The following GALNT13 variants were observed in gnomAD, a reference collection of about 807,000 sequenced individuals.
GALNT13 encodes the protein polypeptide N-acetylgalactosaminyltransferase 13.
Under a neutral mutation model 64.2 loss-of-function variants are expected in GALNT13, and 28 were observed. The observed-to-expected ratio is 0.44, with a 90% CI of 0.32 to 0.60. The LOEUF is 0.60. Among genes scored for constraint, GALNT13 ranks in the 20% least tolerant of loss-of-function variants. The pLI is 0.05. For missense variants in GALNT13, 577 were observed against 669.8 expected, an observed-to-expected ratio of 0.86 and a Z score of 1.53; for synonymous variants, 214 against 224.6, an observed-to-expected ratio of 0.95 and a Z score of 0.42.
chr2:153,186,324 C>A, the GALNT13 span, among the ~76,000 whole-genome samples: 1 of 152,036 alleles, frequency 6.6e-6, no homozygotes, highest in East Asian at 1.9e-4. Context: ...TCCTCCACCT[C>A]TTTATTTCAA....
intron 12 of GALNT13, among the ~76,000 whole-genome samples, chr2:154,438,968 TTATCTCCA>T: frequency 6.6e-6 from 1 of 152,264 alleles, no homozygotes; most frequent in Middle Eastern, 3.4e-3. Context: ...TGACAACTTG[TTATCTCCA>T]TGTACATGCC....
At chr2:153,949,755 C>T (rs562610517) in intron 3 of GALNT13, among the ~76,000 whole-genome samples, 1 of 151,838 alleles carries the variant, frequency 6.6e-6, no homozygotes, top group Non-Finnish European at 1.5e-5. Flanking sequence ...CAGGGGGAGA[C>T]AAATTGTCCA....
At chr2:153,425,383 T>C in the GALNT13 span, among the ~76,000 whole-genome samples, 3 of 151,758 alleles carry the variant, frequency 2.0e-5, no homozygotes, top group Admixed American at 1.3e-4. Flanking sequence ...TCAGGTTCTA[T>C]AGGATCACTG....
chr2:153,875,860 C>T (rs757107874), intron 1 of GALNT13, among the ~76,000 whole-genome samples: 1 of 152,106 alleles, frequency 6.6e-6, no homozygotes, highest in Non-Finnish European at 1.5e-5. Context: ...ACTAATTTGC[C>T]TTATTAGACA....
At chr2:154,056,324 A>G (rs1044154924) in intron 3 of GALNT13, among the ~76,000 whole-genome samples, 1 of 152,164 alleles carries the variant, frequency 6.6e-6, no homozygotes, top group African/African-American at 2.4e-5. Flanking sequence ...AAGTAATATT[A>G]GACATCTAGA....
At chr2:154,449,421 T>C (rs1244931497) in intron 12 of GALNT13, among the ~76,000 whole-genome samples, 3 of 82,080 alleles carry the variant, frequency 3.7e-5, no homozygotes, top group Non-Finnish European at 4.7e-5. Context: ...TGTAGTATCA[T>C]GAGCCAAAAA....
At chr2:153,785,354 G>A in the GALNT13 span, among the ~76,000 whole-genome samples, 1 of 152,196 alleles carries the variant, frequency 6.6e-6, no homozygotes, top group East Asian at 1.9e-4. Flanking sequence ...GTGCCTCCCT[G>A]GAGTGGAGCT....
At chr2:154,094,104 G>T (rs1701956354) in intron 3 of GALNT13, among the ~76,000 whole-genome samples, 1 of 151,842 alleles carries the variant, frequency 6.6e-6, no homozygotes, top group Non-Finnish European at 1.5e-5. Context: ...GGTTTATGCA[G>T]ATAAGTTGTT....
chr2:154,206,546 G>A (rs1260044861), intron 4 of GALNT13, among the ~76,000 whole-genome samples: 1 of 151,878 alleles, frequency 6.6e-6, no homozygotes, highest in African/African-American at 2.4e-5. Context: ...TGTAAACCTA[G>A]CACTTTGGGA....
chr2:153,157,306 A>G, the GALNT13 span, among the ~76,000 whole-genome samples: 6 of 152,186 alleles, frequency 3.9e-5, no homozygotes, highest in African/African-American at 1.4e-4. Flanking sequence ...TATCAAAGCC[A>G]CTGTCTCTGC....
the GALNT13 span, among the ~76,000 whole-genome samples, chr2:153,760,606 TATGTTTTCA>T: frequency 6.6e-6 from 1 of 152,126 alleles, no homozygotes; most frequent in Non-Finnish European, 1.5e-5. Flanking sequence ...AAATATTTGA[TATGTTTTCA>T]ATTTCTTCAA....
chr2:153,482,545 T>C, the GALNT13 span, among the ~76,000 whole-genome samples: 107 of 152,238 alleles, frequency 7.0e-4, no homozygotes, highest in African/African-American at 2.5e-3. Flanking sequence ...TCTGGGCTCA[T>C]TGCAACCTCC....
intron 2 of GALNT13, among the ~76,000 whole-genome samples, chr2:153,920,164 G>A (rs1009883897): frequency 6.6e-6 from 1 of 151,732 alleles, no homozygotes; most frequent in African/African-American, 2.4e-5. Context: ...CTCAGTAGGT[G>A]CACATGACTT....
chr2:153,499,087 G>A, the GALNT13 span, among the ~76,000 whole-genome samples: 2 of 152,126 alleles, frequency 1.3e-5, no homozygotes, highest in Non-Finnish European at 2.9e-5. Context: ...TCCTTACCTC[G>A]TGATCCGCCC....
intron 1 of GALNT13, among the ~76,000 whole-genome samples, chr2:153,873,880 CT>C (rs1164181608): frequency 1.3e-5 from 2 of 151,972 alleles, no homozygotes; most frequent in African/African-American, 4.8e-5. Flanking sequence ...CTGTCTCTCT[CT>C]CTCTGTCTCG....
chr2:153,748,154 C>T, the GALNT13 span, among the ~76,000 whole-genome samples: 2 of 151,954 alleles, frequency 1.3e-5, no homozygotes, highest in African/African-American at 4.8e-5. Context: ...TTCATTTATC[C>T]TAAGGAACAT....
the GALNT13 span, among the ~76,000 whole-genome samples, chr2:153,532,665 A>T: frequency 0.43 from 66,060 of 152,008 alleles, 16,285 homozygotes; most frequent in East Asian, 0.75. Context: ...TCAGTTTTAC[A>T]TTATTTCCTT....
intron 3 of GALNT13, among the ~76,000 whole-genome samples, chr2:153,960,227 A>G (rs1485110197): frequency 6.6e-6 from 1 of 152,156 alleles, no homozygotes; most frequent in East Asian, 1.9e-4. Flanking sequence ...AATCCTGCCA[A>G]TTGCTGCTTC....
chr2:153,109,656 A>C, the GALNT13 span, among the ~76,000 whole-genome samples: 2 of 152,162 alleles, frequency 1.3e-5, no homozygotes, highest in African/African-American at 4.8e-5. Flanking sequence ...TAGGAAGGTC[A>C]TTGGCCCTTA....
Sources: gnomAD v4.1 joint callset for allele counts (sites outside exome capture counted in the v4.1 genomes callset) on GRCh38, gnomAD v4.1.1 for gene constraint, MANE v1.5 for transcripts, NCBI Gene and HGNC (gene_info 2026-07-23, HGNC 2026-07-21) for gene names.